The following ADGRL2 variants were observed in gnomAD, a reference collection of about 807,000 sequenced individuals.
ADGRL2 encodes calcium-independent alpha-latrotoxin receptor 2.
In ADGRL2, 44 loss-of-function variants were observed where a neutral mutation model predicts 157.4. The observed-to-expected ratio is 0.28, with a 90% CI of 0.22 to 0.36. The LOEUF (loss-of-function observed/expected upper bound fraction) is 0.36, where lower values mean the gene tolerates loss of function less well. Ranked by LOEUF, ADGRL2 falls within the 10% of genes least tolerant of loss-of-function variation. ADGRL2 has a pLI of 1.00. For missense variants in ADGRL2, 1,510 were observed against 1,768.9 expected (o/e 0.85, Z 2.63); for synonymous variants, 585 against 624.7 (o/e 0.94, Z 0.95).
intron 3 of ADGRL2, among the ~76,000 whole-genome samples, chr1:81,589,077 A>G (rs2081081984): frequency 1.3e-5 from 2 of 152,294 alleles, no homozygotes; most frequent in South Asian, 4.1e-4. Context: ...ACAGAGAACC[A>G]TATAGTATCT....
chr1:81,641,780 G>A (rs888246407), intron 3 of ADGRL2, among the ~76,000 whole-genome samples: 4 of 151,990 alleles, frequency 2.6e-5, no homozygotes, highest in Non-Finnish European at 2.9e-5. Flanking sequence ...ACCAGAAAAT[G>A]AAGAGCAAAT....
intron 2 of ADGRL2, among the ~76,000 whole-genome samples, chr1:81,541,695 A>G (rs1350775007): frequency 6.6e-6 from 1 of 152,096 alleles, no homozygotes; most frequent in Admixed American, 6.5e-5. Context: ...CACGCCTGTA[A>G]TCCCAGCACT....
At chr1:81,382,209 A>G (rs1338435919) in intron 1 of ADGRL2, among the ~76,000 whole-genome samples, 1 of 152,162 alleles carries the variant, frequency 6.6e-6, no homozygotes, top group Non-Finnish European at 1.5e-5. Flanking sequence ...AGTTAGCAAT[A>G]CCTCAGCCCT....
intron 1 of ADGRL2, among the ~76,000 whole-genome samples, chr1:81,827,774 A>AGGCT (rs1270412910): frequency 3.3e-5 from 5 of 152,096 alleles, no homozygotes; most frequent in Non-Finnish European, 5.9e-5. Flanking sequence ...CAAGTTGTCC[A>AGGCT]GGCTGGTCTC....
intron 2 of ADGRL2, among the ~76,000 whole-genome samples, chr1:81,563,980 A>G (rs1213116077): frequency 1.3e-5 from 2 of 152,238 alleles, no homozygotes; most frequent in African/African-American, 4.8e-5. Context: ...ATTCTTTTAC[A>G]GATGAGGAAA....
chr1:81,884,911 G>A lies in ADGRL2; in HGVS notation c.74-22106G>A, dbSNP rs1006613898. Among the ~76,000 whole-genome samples, 29 of 152,284 alleles carry A rather than the reference G, an allele frequency of 1.9e-4. No homozygotes were observed. In the South Asian group the frequency reaches 2.3e-3, roughly 12 times the overall value. On this transcript the variant is annotated intron_variant, in intron 2 of 23. Coordinates refer to ENST00000686636, the MANE Select transcript of ADGRL2 (RefSeq NM_001366006.2). ...TCATAATTGAGTGATCTGTAAAAGAGTGTTCCAGAATAACATATGGCAAAA... is the reference window on the plus strand; with the variant it reads ...TCATAATTGAGTGATCTGTAAAAGAATGTTCCAGAATAACATATGGCAAAA...
intron 3 of ADGRL2, among the ~76,000 whole-genome samples, chr1:81,622,592 A>T (rs1443875489): frequency 6.6e-6 from 1 of 151,944 alleles, no homozygotes; most frequent in Non-Finnish European, 1.5e-5. Context: ...AAACAAAAAA[A>T]CCTATGTTTT....
At chr1:81,862,900 A>G (rs2150820663) in intron 2 of ADGRL2, among the ~76,000 whole-genome samples, 1 of 152,316 alleles carries the variant, frequency 6.6e-6, no homozygotes, top group South Asian at 2.1e-4. Context: ...TGTGTTTTGA[A>G]AAAACAAATT....
intron 1 of ADGRL2, among the ~76,000 whole-genome samples, chr1:81,728,570 G>A (rs2084616687): frequency 6.6e-6 from 1 of 152,086 alleles, no homozygotes; most frequent in Non-Finnish European, 1.5e-5. Flanking sequence ...CACAATCGAA[G>A]TTTATTATAA....
chr1:81,684,153 G>A (rs540321722), intron 3 of ADGRL2, among the ~76,000 whole-genome samples: 3 of 152,312 alleles, frequency 2.0e-5, no homozygotes, highest in Admixed American at 1.3e-4. Flanking sequence ...ATACCCAGTA[G>A]TGGGATTGCT....
chr1:81,645,514 C>T (rs567457848), intron 3 of ADGRL2, among the ~76,000 whole-genome samples: 17 of 152,150 alleles, frequency 1.1e-4, no homozygotes, highest in Non-Finnish European at 2.1e-4. Context: ...GAGGTAGAGG[C>T]CATCATCATT....
At chr1:81,936,276 T>C (rs546937823) in intron 3 of ADGRL2, among the ~76,000 whole-genome samples, 1 of 152,054 alleles carries the variant, frequency 6.6e-6, no homozygotes, top group South Asian at 2.1e-4. Flanking sequence ...TGTCAAAAAC[T>C]TCCTGCTGAG....
intron 3 of ADGRL2, among the ~76,000 whole-genome samples, chr1:81,656,869 G>A (rs530905589): frequency 2.6e-5 from 4 of 152,038 alleles, no homozygotes; most frequent in South Asian, 4.2e-4. Flanking sequence ...AATTAGATGG[G>A]TGTGGTGGCA....
At chr1:81,528,620 C>T (rs1337494649) in intron 2 of ADGRL2, among the ~76,000 whole-genome samples, 1 of 130,570 alleles carries the variant, frequency 7.7e-6, no homozygotes, top group African/African-American at 3.0e-5. Context: ...GCAGTCCGGC[C>T]TGGGCAAAAA....
intron 1 of ADGRL2, among the ~76,000 whole-genome samples, chr1:81,433,284 G>T (rs1362990684): frequency 6.6e-6 from 1 of 152,070 alleles, no homozygotes; most frequent in Non-Finnish European, 1.5e-5. Context: ...ACAATGAAAG[G>T]ATTATAGATT....
intron 17 of ADGRL2, among the ~76,000 whole-genome samples, chr1:81,978,797 AT>A (rs1660858750): frequency 1.3e-5 from 2 of 151,838 alleles, no homozygotes; most frequent in Admixed American, 1.3e-4. Context: ...TAACACTGTT[AT>A]GCTGATTATC....
At chr1:81,774,887 G>A (rs2086515549) in intron 2 of ADGRL2, among the ~76,000 whole-genome samples, 1 of 151,934 alleles carries the variant, frequency 6.6e-6, no homozygotes, top group Non-Finnish European at 1.5e-5. Flanking sequence ...ACTTTTATAT[G>A]TATAATAGTA....
chr1:81,390,040 T>C (rs372490188), intron 1 of ADGRL2, among the ~76,000 whole-genome samples: 103 of 148,860 alleles, frequency 6.9e-4, no homozygotes, highest in African/African-American at 1.5e-3. Context: ...TGGATTCTTC[T>C]TCCTCACCTT....
At chr1:81,459,663 G>C (rs1232033058) in intron 2 of ADGRL2, among the ~76,000 whole-genome samples, 1 of 151,592 alleles carries the variant, frequency 6.6e-6, no homozygotes, top group Non-Finnish European at 1.5e-5. Context: ...TTAAGATTCT[G>C]ATTTTATTTC....
Sources: gnomAD v4.1 joint callset for allele counts (sites outside exome capture counted in the v4.1 genomes callset) on GRCh38, gnomAD v4.1.1 for gene constraint, MANE v1.5 for transcripts, NCBI Gene and HGNC (gene_info 2026-07-23, HGNC 2026-07-21) for gene names.